The following NCAPG2 variants were observed in gnomAD, a reference collection of about 807,000 sequenced individuals.
NCAPG2 encodes the protein condensin-2 complex subunit G2.
Under a neutral mutation model 141.1 loss-of-function variants are expected in NCAPG2, and 53 were observed. The ratio of observed to expected loss-of-function variants is 0.38; its 90% CI spans 0.30 to 0.47. The LOEUF (loss-of-function observed/expected upper bound fraction) is 0.47, where lower values mean the gene tolerates loss of function less well. Ranked by LOEUF, NCAPG2 falls within the 20% of genes least tolerant of loss-of-function variation. NCAPG2 has a pLI of 0.99. For missense variants in NCAPG2, 1,087 were observed against 1,389.0 expected (o/e 0.78, Z 3.46); for synonymous variants, 499 against 490.7 (o/e 1.02, Z -0.22).
chr7:158,634,916 C>T (rs1830090283), intron 27 of NCAPG2, among the ~76,000 whole-genome samples: 1 of 152,132 alleles, frequency 6.6e-6, no homozygotes, highest in Non-Finnish European at 1.5e-5. Context: ...AAAAAGCTCC[C>T]TGGGCCAGGG....
At chr7:158,639,317 A>G (rs1173697938) in intron 27 of NCAPG2, among the ~76,000 whole-genome samples, 2 of 152,118 alleles carry the variant, frequency 1.3e-5, no homozygotes, top group Non-Finnish European at 2.9e-5. Flanking sequence ...CACATTGCCC[A>G]GGCTGGTTGC....
chr7:158,653,229 T>C (rs1041311382), intron 22 of NCAPG2, among the ~76,000 whole-genome samples: 5 of 151,546 alleles, frequency 3.3e-5, no homozygotes, highest in African/African-American at 1.2e-4. Context: ...GGCATGGTGG[T>C]GGGCACCTGT....
At chr7:158,655,568 G>T (rs149484395) in intron 19 of NCAPG2, 113 bp from the exon 20 acceptor site, 36 of 772,374 alleles carry the variant, frequency 4.7e-5, no homozygotes, top group Non-Finnish European at 7.2e-5. Context: ...AAAGACCCCC[G>T]CTCTGGTGAA....
At chr7:158,641,711 T>C (rs1159002991) in intron 27 of NCAPG2, among the ~76,000 whole-genome samples, 6 of 152,108 alleles carry the variant, frequency 3.9e-5, no homozygotes, top group Admixed American at 3.3e-4. Context: ...AATGAAAAGA[T>C]GGTAACAATC....
chr7:158,697,466 T>C (rs902708280), intron 2 of NCAPG2, among the ~76,000 whole-genome samples: 1 of 152,120 alleles, frequency 6.6e-6, no homozygotes, highest in African/African-American at 2.4e-5. Context: ...GCCGGTGTGG[T>C]GGCGTGTGCC....
At chr7:158,645,472 G>T in intron 26 of NCAPG2, 47 bp downstream of exon 26, 1 of 1,508,212 alleles carries the variant, frequency 6.6e-7, no homozygotes, top group Non-Finnish European at 9.2e-7. Flanking sequence ...CAGCACCTGT[G>T]AGGTGCACCA....
intron 4 of NCAPG2, 21 bp downstream of exon 4, chr7:158,692,820 AT>A: frequency 7.4e-7 from 1 of 1,345,066 alleles, no homozygotes; most frequent in East Asian, 2.3e-5. Context: ...TAAATATGCC[AT>A]TTATAACAAA....
At chr7:158,662,156 T>G in intron 16 of NCAPG2, 38 bp downstream of exon 16, 3 of 1,549,830 alleles carry the variant, frequency 1.9e-6, no homozygotes, top group Non-Finnish European at 2.6e-6. Context: ...AAACGTAACC[T>G]TAATATACCT....
At chr7:158,644,200 G>A in intron 27 of NCAPG2, 89 bp downstream of exon 27, 1 of 1,110,450 alleles carries the variant, frequency 9.0e-7, no homozygotes. Context: ...CTGGGTGTAA[G>A]TAGCAGAAAT....
chr7:158,650,999 T>C, intron 23 of NCAPG2, 27 bp from the exon 24 acceptor site: 1 of 1,542,312 alleles, frequency 6.5e-7, no homozygotes, highest in South Asian at 1.2e-5. Flanking sequence ...ACGTCACTTT[T>C]AATGACTAAA....
In NCAPG2 at chr7:158,631,563, C is replaced by G. The variant is rs1829894122; in HGVS notation, c.*103G>C. The G allele has an allele frequency of 5.4e-6, 6 of 1,111,410 alleles. No individual in the cohort carries two copies. The highest frequency in any genetic ancestry group is 8.1e-6 in the Non-Finnish European group (6 of 741,176). 68.8% of individuals were successfully genotyped at this position (1,111,410 alleles called of 1,614,324 possible). On this transcript the variant is annotated 3_prime_UTR_variant, in exon 28 of 28. Coordinates refer to ENST00000356309, the MANE Select transcript of NCAPG2 (RefSeq NM_017760.7). Reference sequence around the variant, plus strand: ...CCCACAAAAAAATCCCACCCTTTCCCTATTATATGGGTTATTAACATTAAA... The same window carrying G: ...CCCACAAAAAAATCCCACCCTTTCCGTATTATATGGGTTATTAACATTAAA...
intron 7 of NCAPG2, among the ~76,000 whole-genome samples, chr7:158,687,051 T>C (rs772049442): frequency 2.0e-5 from 3 of 152,026 alleles, no homozygotes; most frequent in Non-Finnish European, 4.4e-5. Context: ...AAAGCACACA[T>C]TGCATTCAAA....
At chr7:158,661,322 T>G (rs373774716) in intron 16 of NCAPG2, among the ~76,000 whole-genome samples, 1 of 152,236 alleles carries the variant, frequency 6.6e-6, no homozygotes, top group South Asian at 2.1e-4. Flanking sequence ...TCTTCAGAGT[T>G]AAGAATATAT....
At chr7:158,652,971 T>C (rs975936660) in intron 22 of NCAPG2, among the ~76,000 whole-genome samples, 2 of 152,230 alleles carry the variant, frequency 1.3e-5, no homozygotes, top group African/African-American at 4.8e-5. Flanking sequence ...TACGGGAAAA[T>C]AATTCCTAAA....
At position 158,690,837 on chromosome 7, in the gene NCAPG2, A is replaced by G. The variant is rs1835073475; in HGVS notation, c.383-115T>C. On this transcript the variant is annotated intron_variant, in intron 4 of 27. Transcript: ENST00000356309. The stretch of plus-strand genomic sequence containing the variant: ...TATTTAAAGCTTTGCTAAGCAAATA[A>G]TATTAGTTATGTTTAACTTGCCAAA... 4 of 915,460 alleles carry G rather than the reference A, an allele frequency of 4.4e-6. No individual in the cohort carries two copies. The East Asian group carries it at 8.7e-5, about 20-fold the overall frequency. 56.7% of individuals were successfully genotyped at this position (915,460 alleles called of 1,614,324 possible).
intron 15 of NCAPG2, among the ~76,000 whole-genome samples, chr7:158,663,371 C>T (rs560633970): frequency 1.3e-5 from 2 of 152,360 alleles, no homozygotes; most frequent in Admixed American, 6.5e-5. Flanking sequence ...CTCTCTATTC[C>T]ACATCTATTT....
intron 23 of NCAPG2, among the ~76,000 whole-genome samples, chr7:158,651,453 A>T (rs1335710398): frequency 6.6e-6 from 1 of 152,244 alleles, no homozygotes; most frequent in Non-Finnish European, 1.5e-5. Context: ...TAGAAAAAGT[A>T]TGGCCAACAA....
chr7:158,672,290 GTGTATATATA>G (rs1311703150), intron 12 of NCAPG2, among the ~76,000 whole-genome samples: 8 of 24,708 alleles, frequency 3.2e-4, no homozygotes, highest in African/African-American at 1.2e-3. Flanking sequence ...GTGTGTGTGT[GTGTATATATA>G]TATATATATA....
rs549507556 is a variant in NCAPG2, at chr7:158,699,401, G to A, written c.78+2421C>T. 8.5e-5 allele frequency among the ~76,000 whole-genome samples: 13 copies of A among 152,262 alleles called. No individual in the cohort carries two copies. The South Asian group carries it at 2.7e-3, about 32-fold the overall frequency. On this transcript the variant is annotated intron_variant, in intron 2 of 27. Coordinates refer to ENST00000356309, the MANE Select transcript of NCAPG2 (RefSeq NM_017760.7). ...TACATCAAGGAACAATTTGACCAAAGGCAAATTCCCATTTGCTTATGTGGG... is the reference window on the plus strand; with the variant it reads ...TACATCAAGGAACAATTTGACCAAAAGCAAATTCCCATTTGCTTATGTGGG...
Sources: allele counts gnomAD v4.1 joint callset (sites outside exome capture counted in the v4.1 genomes callset), GRCh38; gene constraint gnomAD v4.1.1; transcripts MANE v1.5; gene names NCBI Gene and HGNC (gene_info 2026-07-23, HGNC 2026-07-21).